ABCC9: variants seen among roughly 807,000 people sequenced by gnomAD.
The protein encoded by ABCC9 is ATP-binding cassette sub-family C member 9.
In ABCC9, 95 loss-of-function variants were observed where a neutral mutation model predicts 188.3. The observed-to-expected ratio is 0.50, with a 90% CI of 0.43 to 0.60. The LOEUF is 0.60. Ranked by LOEUF, ABCC9 falls within the 20% of genes least tolerant of loss-of-function variation. ABCC9 has a pLI of 0.00. For missense variants in ABCC9, 1,102 were observed against 1,876.3 expected, an observed-to-expected ratio of 0.59 and a Z score of 7.62; for synonymous variants, 659 against 652.7, an observed-to-expected ratio of 1.01 and a Z score of -0.15.
chr12:21,814,990 C>T (rs1942507664), intron 34 of ABCC9, among the ~76,000 whole-genome samples: 1 of 152,060 alleles, frequency 6.6e-6, no homozygotes, highest in Middle Eastern at 3.4e-3. Flanking sequence ...TGAGACCAGC[C>T]TGGGCAATAT....
chr12:21,849,348 A>G (rs1432824668), intron 24 of ABCC9, among the ~76,000 whole-genome samples: 3 of 152,152 alleles, frequency 2.0e-5, no homozygotes, highest in Admixed American at 6.6e-5. Context: ...TTCTTGGTTA[A>G]AAGAGTGAAA....
chr12:21,805,547 T>C (rs2137107181), intron 39 of ABCC9, among the ~76,000 whole-genome samples: 1 of 152,296 alleles, frequency 6.6e-6, no homozygotes, highest in Admixed American at 6.5e-5. Context: ...TACCTGACCC[T>C]ACTGTGAGAT....
At chr12:21,842,289 A>G (rs754618040) in intron 29 of ABCC9, 25 bp downstream of exon 29, 15 of 1,610,284 alleles carry the variant, frequency 9.3e-6, no homozygotes, top group African/African-American at 2.7e-5. Context: ...GCTTTTGAAA[A>G]TGAGTGGGAT....
At chr12:21,925,657 C>A (rs575056180) in intron 5 of ABCC9, 2 of 636,516 alleles carry the variant, frequency 3.1e-6, no homozygotes, top group Non-Finnish European at 5.6e-6. Context: ...AGAAGGCCAG[C>A]CATATTTCCT....
intron 21 of ABCC9, among the ~76,000 whole-genome samples, 195 bp downstream of exon 21, chr12:21,860,776 T>C (rs534809002): frequency 1.3e-5 from 2 of 152,280 alleles, no homozygotes; most frequent in Admixed American, 1.3e-4. Context: ...TATACAGTGA[T>C]TACTCAATAA....
intron 36 of ABCC9, among the ~76,000 whole-genome samples, chr12:21,810,229 C>T (rs561956419): frequency 6.6e-6 from 1 of 152,248 alleles, no homozygotes; most frequent in Non-Finnish European, 1.5e-5. Context: ...TACCTAGCTC[C>T]ATTGGCTCCA....
At chr12:21,939,943 A>G (rs866295736) in intron 2 of ABCC9, among the ~76,000 whole-genome samples, 7 of 152,198 alleles carry the variant, frequency 4.6e-5, no homozygotes, top group African/African-American at 1.7e-4. Flanking sequence ...TCTAGAACAT[A>G]TACATTTTGG....
intron 8 of ABCC9, among the ~76,000 whole-genome samples, chr12:21,911,258 A>G (rs1453222781): frequency 2.6e-5 from 4 of 151,908 alleles, no homozygotes; most frequent in Non-Finnish European, 5.9e-5. Context: ...GTAAAATGGT[A>G]AGCAGCAAAT....
intron 39 of ABCC9, 50 bp from the exon 40 acceptor site, chr12:21,801,231 C>T (rs1259950590): frequency 3.7e-6 from 6 of 1,608,922 alleles, no homozygotes; most frequent in Non-Finnish European, 5.1e-6. Context: ...AGGGCACACG[C>T]CAAAACAATG....
chr12:21,875,248 T>A (rs912943304), intron 17 of ABCC9, among the ~76,000 whole-genome samples: 8 of 152,204 alleles, frequency 5.3e-5, no homozygotes, highest in Non-Finnish European at 7.4e-5. Flanking sequence ...TAAAACTTTT[T>A]AAAAATATTA....
intron 36 of ABCC9, among the ~76,000 whole-genome samples, chr12:21,810,410 C>T (rs1043911766): frequency 1.3e-5 from 2 of 151,984 alleles, no homozygotes; most frequent in Non-Finnish European, 2.9e-5. Flanking sequence ...AGGACATACC[C>T]GAGACTGGGT....
At chr12:21,853,876 T>C (rs1291533862) in intron 22 of ABCC9, among the ~76,000 whole-genome samples, 2 of 152,042 alleles carry the variant, frequency 1.3e-5, no homozygotes, top group East Asian at 3.9e-4. Flanking sequence ...CAGTAAAAAA[T>C]GGTGGATGTT....
intron 25 of ABCC9, among the ~76,000 whole-genome samples, chr12:21,847,704 C>T (rs934729680): frequency 2.6e-5 from 4 of 152,046 alleles, no homozygotes; most frequent in Admixed American, 6.6e-5. Context: ...TTTTCTTATC[C>T]TTCATGGCTA....
intron 5 of ABCC9, among the ~76,000 whole-genome samples, chr12:21,918,406 C>A (rs1029423527): frequency 6.6e-6 from 1 of 152,066 alleles, no homozygotes; most frequent in Non-Finnish European, 1.5e-5. Flanking sequence ...TTCGTATTAA[C>A]TGAATATGGT....
rs527746107 is a variant in ABCC9, at chr12:21,812,484, T to G, written c.4103-327A>C. On this transcript the variant is annotated intron_variant, in intron 35 of 39. Coordinates refer to ENST00000261200, the MANE Select transcript of ABCC9 (RefSeq NM_020297.4). ...TCAATGATAGAGTGGATAAAGAAAA[T>G]ATGGCACATATACACCATGGAATAC... Among the ~76,000 whole-genome samples the G allele has an allele frequency of 3.9e-5, 6 of 152,136 alleles. No homozygotes were observed. In the South Asian group the frequency reaches 8.3e-4, roughly 21 times the overall value.
chr12:21,897,261 A>G (rs1245407808), intron 12 of ABCC9, among the ~76,000 whole-genome samples: 1 of 152,004 alleles, frequency 6.6e-6, no homozygotes, highest in Non-Finnish European at 1.5e-5. Flanking sequence ...ACTTTTTAAG[A>G]GGGTTTTTTT....
intron 34 of ABCC9, 56 bp downstream of exon 34, chr12:21,815,707 G>A: frequency 6.2e-7 from 1 of 1,600,920 alleles, no homozygotes; most frequent in Admixed American, 1.7e-5. Context: ...TAGTAAAAAA[G>A]CAGACTCCCT....
At chr12:21,857,352 TAGA>T (rs1173326335) in intron 22 of ABCC9, among the ~76,000 whole-genome samples, 3 of 152,148 alleles carry the variant, frequency 2.0e-5, no homozygotes, top group Non-Finnish European at 4.4e-5. Context: ...ACACTAATAT[TAGA>T]ATGTTGAACT....
chr12:21,889,688 A>T lies in ABCC9; in HGVS notation c.1803-1754T>A, dbSNP rs189537800. Among the ~76,000 whole-genome samples, 52 of 152,288 alleles carry T rather than the reference A, an allele frequency of 3.4e-4. 1 individual carries two copies. Among genetic ancestry groups the T allele is most frequent in the African/African-American group, 1.2e-3 (49 of 41,578 alleles). On this transcript the variant is annotated intron_variant, in intron 14 of 39. Coordinates refer to ENST00000261200, the MANE Select transcript of ABCC9 (RefSeq NM_020297.4). ...ATTTCTAGTATAGATACAAATCACG[A>T]ATCTTTCCAGTATAGACTCAAAGCT...
Sources: allele counts gnomAD v4.1 joint callset (sites outside exome capture counted in the v4.1 genomes callset), GRCh38; gene constraint gnomAD v4.1.1; transcripts MANE v1.5; gene names NCBI Gene and HGNC (gene_info 2026-07-23, HGNC 2026-07-21).